Variants in EIF4H observed in about 807,000 individuals in gnomAD.
EIF4H encodes eukaryotic translation initiation factor 4H, also known as Williams-Beuren syndrome chromosome region 1.
EIF4H carries 8 observed loss-of-function variants against 30.6 expected under a neutral mutation model. The observed-to-expected ratio is 0.26, with a 90% CI of 0.15 to 0.47. The LOEUF is 0.47. Among genes scored for constraint, EIF4H ranks in the 20% least tolerant of loss-of-function variants. The probability of loss-of-function intolerance (pLI) is 0.99; values close to 1 mark genes in which losing one functional copy is unlikely to be tolerated. For missense variants in EIF4H, 188 were observed against 339.5 expected (o/e 0.55, Z 3.51); for synonymous variants, 106 against 122.7 (o/e 0.86, Z 0.90).
chr7:74,184,175 C>G (rs1448300658), intron 1 of EIF4H, among the ~76,000 whole-genome samples: 3 of 152,108 alleles, frequency 2.0e-5, no homozygotes, highest in African/African-American at 7.2e-5. Context: ...CTAGATTTTT[C>G]TATCTTCTCC....
chr7:74,179,662 G>C (rs1800915325), intron 1 of EIF4H, among the ~76,000 whole-genome samples: 1 of 147,216 alleles, frequency 6.8e-6, no homozygotes, highest in Non-Finnish European at 1.5e-5. Flanking sequence ...ACTTTATCTT[G>C]TACTCCGACT....
At position 74,174,394 on chromosome 7, in the gene EIF4H, T is replaced by C. The variant is rs1800786398; in HGVS notation, c.11T>C (p.Phe4Ser). The change falls in exon 1 of 7, where the codon TTC (phenylalanine) becomes TCC (serine). Residue 4 changes from phenylalanine to serine, a missense_variant. Transcript: ENST00000265753. ...GAGCGGAGACGGCAAATGGCGGACT[T>C]CGACACCTACGACGATCGGGCCTAC... MAD[F>S]DTYDDRAYSS... The C allele has an allele frequency of 6.9e-7, 1 of 1,459,072 alleles. No individual in the cohort carries two copies. Among genetic ancestry groups the C allele is most frequent in the Non-Finnish European group, 9.2e-7 (1 of 1,091,784 alleles). 90.4% of individuals were successfully genotyped at this position (1,459,072 alleles called of 1,614,324 possible). A position where few individuals can be genotyped will look rare whatever the true frequency, so the allele number is the denominator to read the frequency against.
At chr7:74,177,522 T>A (rs534047949) in intron 1 of EIF4H, among the ~76,000 whole-genome samples, 2 of 152,008 alleles carry the variant, frequency 1.3e-5, no homozygotes, top group East Asian at 1.9e-4. Flanking sequence ...TTCCCCCAGG[T>A]CCCTGGCAAC....
intron 1 of EIF4H, among the ~76,000 whole-genome samples, chr7:74,180,670 A>G (rs765969511): frequency 6.6e-6 from 1 of 152,216 alleles, no homozygotes; most frequent in Non-Finnish European, 1.5e-5. Flanking sequence ...TATGAAGAAG[A>G]AGGTGATAGT....
At chr7:74,186,878 G>A in intron 1 of EIF4H, among the ~76,000 whole-genome samples, 1 of 128,190 alleles carries the variant, frequency 7.8e-6, no homozygotes, top group East Asian at 2.4e-4. Context: ...AAGTGCAGTG[G>A]TGCGATCTTG....
At chr7:74,194,935 G>C in intron 6 of EIF4H, 57 bp downstream of exon 6, 1 of 1,548,788 alleles carries the variant, frequency 6.5e-7, no homozygotes, top group Non-Finnish European at 8.8e-7. Context: ...ATCATGGCCG[G>C]TTCACACCCC....
chr7:74,190,640 T>A (rs1407126642), intron 5 of EIF4H, among the ~76,000 whole-genome samples: 1 of 152,362 alleles, frequency 6.6e-6, no homozygotes, highest in African/African-American at 2.4e-5. Context: ...AGAGAAGTAC[T>A]GTTCCTTCTG....
In EIF4H at chr7:74,196,350, A is replaced by G. The variant is rs1247171847; in HGVS notation, c.*1042A>G. 1.3e-5 allele frequency: 2 copies of G among 152,720 alleles called. No homozygotes were observed. Among genetic ancestry groups the G allele is most frequent in the African/African-American group, 2.4e-5 (1 of 41,474 alleles). The allele number at this position is 152,720 out of a possible 1,614,324, so 9.5% of individuals were successfully genotyped here. A position where few individuals can be genotyped will look rare whatever the true frequency, so the allele number is the denominator to read the frequency against. On this transcript the variant is annotated 3_prime_UTR_variant, in exon 7 of 7. Transcript: ENST00000265753. ...TTCAGTTCAGAGCCAAAATGGGTCT[A>G]GAATCTGGCACTTTACTCATTTCCT...
At chr7:74,175,574 C>T (rs1800820315) in intron 1 of EIF4H, among the ~76,000 whole-genome samples, 1 of 151,942 alleles carries the variant, frequency 6.6e-6, no homozygotes, top group African/African-American at 2.4e-5. Context: ...GGAAGTGTGC[C>T]GGTGTAGGTG....
At chr7:74,189,326 G>A (rs1415539728) in intron 2 of EIF4H, among the ~76,000 whole-genome samples, 3 of 152,148 alleles carry the variant, frequency 2.0e-5, no homozygotes, top group Non-Finnish European at 2.9e-5. Context: ...TGAAATCTAC[G>A]AAATCTAATC....
chr7:74,191,078 G>A (rs1207808504), intron 5 of EIF4H: 1 of 464,750 alleles, frequency 2.2e-6, no homozygotes, highest in Non-Finnish European at 4.3e-6. Flanking sequence ...GTGTAAAGTA[G>A]TGGGTGAGTA....
chr7:74,178,025 C>T (rs1055280182), intron 1 of EIF4H, among the ~76,000 whole-genome samples: 1 of 152,078 alleles, frequency 6.6e-6, no homozygotes, highest in Non-Finnish European at 1.5e-5. Flanking sequence ...AGTGCAGCCT[C>T]GACTTCCCAG....
intron 2 of EIF4H, among the ~76,000 whole-genome samples, chr7:74,188,662 T>TA (rs1445501028): frequency 6.6e-6 from 1 of 152,140 alleles, no homozygotes; most frequent in East Asian, 1.9e-4. Context: ...CAGGAAGCAT[T>TA]AGGAACTAAA....
intron 1 of EIF4H, among the ~76,000 whole-genome samples, chr7:74,183,422 G>C (rs143844665): frequency 1.3e-5 from 2 of 152,078 alleles, no homozygotes; most frequent in African/African-American, 2.4e-5. Context: ...TATAGCACTT[G>C]GTACTTAGGA....
rs1554710790 is a variant in EIF4H, at chr7:74,196,469, AC to A, written c.*1162del. 1.3e-5 allele frequency: 2 copies of A among 152,682 alleles called. No homozygotes were observed. The highest frequency in any genetic ancestry group is 4.8e-5 in the African/African-American group (2 of 41,478). 9.5% of individuals were successfully genotyped at this position (152,682 alleles called of 1,614,324 possible). Reference sequence around the variant, plus strand: ...GTCTGCGGCCACATCTTGGGGACACACTGGACTGTTCCCATGTGCAGGGTTC... The same window carrying A: ...GTCTGCGGCCACATCTTGGGGACACATGGACTGTTCCCATGTGCAGGGTTC... On this transcript the variant is annotated 3_prime_UTR_variant, in exon 7 of 7. Transcript: ENST00000265753.
At chr7:74,186,788 A>AATTTTTTTTTTTTT (rs1801089805) in intron 1 of EIF4H, among the ~76,000 whole-genome samples, 1 of 70,120 alleles carries the variant, frequency 1.4e-5, no homozygotes, top group Non-Finnish European at 2.9e-5. Flanking sequence ...ACAAGGAGAA[A>AATTTTTTTTTTTTT]TTTTTTTTTT....
At chr7:74,186,842 A>T (rs1305140322) in intron 1 of EIF4H, among the ~76,000 whole-genome samples, 1 of 80,546 alleles carries the variant, frequency 1.2e-5, no homozygotes, top group South Asian at 4.8e-4. Context: ...TTTTTTTTTG[A>T]GACGGAGTCT....
chr7:74,181,926 G>A (rs150876), intron 1 of EIF4H, among the ~76,000 whole-genome samples: 143,172 of 151,930 alleles, frequency 0.94, 67,503 homozygotes, highest in Non-Finnish European at 0.96. Context: ...CATGTTGGCC[G>A]GGTTGGTCTT....
At chr7:74,183,044 G>A (rs544407031) in intron 1 of EIF4H, among the ~76,000 whole-genome samples, 1 of 152,138 alleles carries the variant, frequency 6.6e-6, no homozygotes, top group Non-Finnish European at 1.5e-5. Flanking sequence ...GGCAGAAACC[G>A]AGTCTTAGGT....
Sources: gnomAD v4.1 joint callset for allele counts (sites outside exome capture counted in the v4.1 genomes callset) on GRCh38, gnomAD v4.1.1 for gene constraint, MANE v1.5 for transcripts, NCBI Gene and HGNC (gene_info 2026-07-23, HGNC 2026-07-21) for gene names.